Variants in TLE2 observed in about 807,000 individuals in gnomAD.
TLE2 encodes the protein TLE family member 2, transcriptional corepressor, also known as transducin-like enhancer protein 2.
TLE2 carries 74 observed loss-of-function variants against 97.2 expected under a neutral mutation model. The ratio of observed to expected loss-of-function variants is 0.76; its 90% confidence interval spans 0.63 to 0.92. The LOEUF (loss-of-function observed/expected upper bound fraction) is 0.92. Among genes scored for constraint, TLE2 ranks in the 40% least tolerant of loss-of-function variants. The probability of loss-of-function intolerance (pLI) is 0.00; values close to 1 mark genes in which losing one functional copy is unlikely to be tolerated. For synonymous variants in TLE2, 499 were observed against 432.1 expected (o/e 1.15, Z -1.92); for missense variants, 1,038 against 1,008.7 (o/e 1.03, Z -0.39).
rs775262833 is a variant in TLE2, at chr19:3,005,810, C to T, written c.1659G>A (p.Leu553=). Residue 553 remains leucine (L), a synonymous_variant, in exon 16 of 20, where the codon CTG becomes CTA. Transcript: ENST00000262953. ...AAACCTTGGCGTCGGGGCTGACGGC[C>T]AGGGCGTAGCAGGCTGGGGCTGAGG... ...LTSSAPACYA[L]AVSPDAKVCF... 44 of 1,613,890 alleles carry T rather than the reference C, an allele frequency of 2.7e-5. No individual in the cohort carries two copies. In the East Asian group the frequency reaches 7.1e-4, roughly 26 times the overall value.
chr19:3,025,427 C>T, intron 4 of TLE2: 1 of 1,090,660 alleles, frequency 9.2e-7, no homozygotes, highest in Non-Finnish European at 1.1e-6. Context: ...CTCAGAGGTG[C>T]TGGGCTCAGC....
chr19:3,025,892 C>A (rs1393798150), intron 4 of TLE2, among the ~76,000 whole-genome samples: 1 of 152,112 alleles, frequency 6.6e-6, no homozygotes, highest in African/African-American at 2.4e-5. Flanking sequence ...CACATCAGAA[C>A]CAACAGAACC....
In TLE2 at chr19:3,019,580, C is replaced by T. The variant is rs564303197; in HGVS notation, c.370-117G>A. The T allele has an allele frequency of 1.3e-6, 2 of 1,507,440 alleles. No individual in the cohort carries two copies. Among genetic ancestry groups the T allele is most frequent in the Non-Finnish European group, 1.8e-6 (2 of 1,123,386 alleles). 93.4% of individuals were successfully genotyped at this position (1,507,440 alleles called of 1,614,324 possible). ...AAGCACAGCATGTGCCCCTGGGGTTCCCAGGACCACTGGAGCCAAGGCCCA... is the reference window on the plus strand; with the variant it reads ...AAGCACAGCATGTGCCCCTGGGGTTTCCAGGACCACTGGAGCCAAGGCCCA... On this transcript the variant is annotated intron_variant, in intron 6 of 19. Transcript: ENST00000262953. The surrounding 1 kb of genome is among the most constrained non-coding windows in gnomAD (Gnocchi z 5.1).
intron 5 of TLE2, among the ~76,000 whole-genome samples, chr19:3,022,770 C>A (rs1213555610): frequency 6.6e-6 from 1 of 151,950 alleles, no homozygotes; most frequent in African/African-American, 2.4e-5. Context: ...GGGGGTGCAC[C>A]TGTGTGTGGG....
intron 5 of TLE2, among the ~76,000 whole-genome samples, chr19:3,021,265 C>T (rs945884137): frequency 3.3e-5 from 5 of 151,414 alleles, no homozygotes; most frequent in African/African-American, 1.2e-4. Flanking sequence ...ATTAGTCAGG[C>T]ATGGTGGCAT....
At chr19:2,999,258 G>C (rs1309207718) in intron 19 of TLE2, among the ~76,000 whole-genome samples, 2 of 151,944 alleles carry the variant, frequency 1.3e-5, no homozygotes, top group Non-Finnish European at 2.9e-5. Flanking sequence ...CTCCAGGCTG[G>C]GCGACAGAGA....
chr19:3,019,661 C>A lies in TLE2; in HGVS notation c.369+38G>T. The A allele has an allele frequency of 6.3e-7, 1 of 1,594,144 alleles. No individual in the cohort carries two copies. The highest frequency in any genetic ancestry group is 1.7e-4 in the Middle Eastern group (1 of 6,002). ...TGGGTGCCAGGGACCTGGGAGTGGG[C>A]GTCTCCCCATGGCGGGGCAGGGGCT... On this transcript the variant is annotated intron_variant, in intron 6 of 19. Coordinates refer to ENST00000262953, the MANE Select transcript of TLE2 (RefSeq NM_003260.5). The surrounding 1 kb of genome is among the most constrained non-coding windows in gnomAD (Gnocchi z 5.1).
intron 11 of TLE2, among the ~76,000 whole-genome samples, chr19:3,012,521 T>C (rs983714852): frequency 8.5e-5 from 13 of 152,332 alleles, no homozygotes; most frequent in African/African-American, 2.6e-4. Flanking sequence ...CCAGCCACTG[T>C]TGAGATTCTT....
chr19:3,021,968 T>C (rs12984256), intron 5 of TLE2, among the ~76,000 whole-genome samples: 54,525 of 151,980 alleles, frequency 0.36, 10,895 homozygotes, highest in African/African-American at 0.53. Context: ...TACTTTAGGA[T>C]GCTGGAGTGG....
rs750921334 is a variant in TLE2, at chr19:3,015,660, C to T, written c.671G>A (p.Gly224Glu). Residue 224 changes from glycine to glutamate, a missense_variant, in exon 9 of 20, where the codon GGA (glycine) becomes GAA (glutamate). By Grantham distance (98) the Gly-to-Glu change is moderately conservative (BLOSUM62 -2). Transcript: ENST00000262953. ...KQRADEKEPSGPYESDEDKSD... is the reference protein window; with the variant it reads ...KQRADEKEPSEPYESDEDKSD... ...GCACCTGCCCCCACTCACATAAGGT[C>T]CTGATGGCTCCTTCTCATCTGCTCT... 2 of 1,607,718 alleles carry T rather than the reference C, an allele frequency of 1.2e-6. No individual in the cohort carries two copies. The highest frequency in any genetic ancestry group is 3.4e-5 in the Admixed American group (2 of 59,268).
Position 3,014,433 on chromosome 19 carries a change from C to T in TLE2, c.723+137G>A, listed in dbSNP as rs141685515. On this transcript the variant is annotated intron_variant, in intron 10 of 19. Transcript: ENST00000262953. ...GCCAGAGGTGTCCCGGAGTCCCTGA[C>T]GCTTCCTGACCCCATCCCAGCTGTC... 4.0e-4 allele frequency: 295 copies of T among 746,518 alleles called. 1 individual carries two copies. The African/African-American group carries it at 4.6e-3, about 12-fold the overall frequency. 46.2% of individuals were successfully genotyped at this position (746,518 alleles called of 1,614,324 possible).
In TLE2 at chr19:3,005,459, T is replaced by G. The variant is rs1394695766; in HGVS notation, c.1874A>C (p.Gln625Pro). ...CWDLREGRQL[Q>P]QHDFSSQIFS... ...CACCTGGGAGCTGAAGTCATGCTGC[T>G]GCAGCTGGCGGCCCTCCCGCAGGTC... is the stretch of plus-strand genomic sequence containing the variant. Residue 625 changes from glutamine to proline, a missense_variant, in exon 17 of 20, where the codon CAG becomes CCG. By Grantham distance (76) the Gln-to-Pro change is moderately conservative. Transcript: ENST00000262953. 3 of 1,613,854 alleles carry G rather than the reference T, an allele frequency of 1.9e-6. No homozygotes were observed. In the South Asian group the frequency reaches 3.3e-5, roughly 18 times the overall value.
intron 5 of TLE2, among the ~76,000 whole-genome samples, chr19:3,024,646 C>T (rs2089908809): frequency 6.6e-6 from 1 of 152,132 alleles, no homozygotes; most frequent in Non-Finnish European, 1.5e-5. Context: ...TGTATGAGCT[C>T]ATCTCAACTT....
intron 1 of TLE2, among the ~76,000 whole-genome samples, chr19:3,043,933 A>G (rs1327107665): frequency 1.3e-5 from 2 of 151,942 alleles, no homozygotes; most frequent in African/African-American, 4.8e-5. Context: ...GCAGTGAGCC[A>G]AGATCGCACC....
chr19:3,027,772 C>T, intron 4 of TLE2, 57 bp downstream of exon 4: 1 of 1,575,388 alleles, frequency 6.3e-7, no homozygotes, highest in Non-Finnish European at 8.6e-7. Context: ...GGGTCCTTCT[C>T]AGGGCTTCCA....
rs776121050 is a variant in TLE2 at position 3,017,851 on chromosome 19, C to G, written c.559G>C (p.Ala187Pro). The stretch of plus-strand genomic sequence containing the variant: ...TGCCACTCACTTACCCTGCTCGGGG[C>G]TCTCTCCACTGACAGATTGGGAATG... ...VEAEGSRVERAPSRSASPSPP... is the reference protein window; with the variant it reads ...VEAEGSRVERPPSRSASPSPP... Residue 187 changes from alanine to proline, a missense_variant, in exon 8 of 20, where the codon GCC (alanine) becomes CCC (proline). Physicochemically the swap from Ala to Pro is conservative, Grantham distance 27 (BLOSUM62 -1). Transcript: ENST00000262953. The G allele has an allele frequency of 6.2e-7, 1 of 1,612,248 alleles. No homozygotes were observed. The highest frequency in any genetic ancestry group is 8.5e-7 in the Non-Finnish European group (1 of 1,179,186).
Position 3,015,742 on chromosome 19 carries a change from G to T in TLE2, c.589C>A (p.Pro197Thr). 6.2e-7 allele frequency: 1 copy of T among 1,609,912 alleles called. No homozygotes were observed. Among genetic ancestry groups the T allele is most frequent in the Non-Finnish European group, 8.5e-7 (1 of 1,178,720 alleles). ...CGCTCCTCCTCCACGAGACTCTCAG[G>T]GGGCGAGGGAGATGCACTCTGCGGA... ...APSRSASPSP[P>T]ESLVEEERPS... is the part of the protein sequence containing the mutation. Residue 197 changes from proline to threonine, a missense_variant, in exon 9 of 20, where the codon CCT becomes ACT. Coordinates refer to ENST00000262953, the MANE Select transcript of TLE2 (RefSeq NM_003260.5).
intron 10 of TLE2, 31 bp downstream of exon 10, chr19:3,014,539 G>T: frequency 2.6e-6 from 4 of 1,551,820 alleles, no homozygotes; most frequent in Non-Finnish European, 3.5e-6. Flanking sequence ...TGTGCCCAGA[G>T]TCGGGGAAGA....
At chr19:3,017,440 T>TTTC (rs1555692464) in intron 8 of TLE2, among the ~76,000 whole-genome samples, 1 of 138,774 alleles carries the variant, frequency 7.2e-6, no homozygotes, top group Non-Finnish European at 1.5e-5. Context: ...TGGTTTTTTT[T>TTTC]TTTCTTTCTT....
Sources: allele counts gnomAD v4.1 joint callset (sites outside exome capture counted in the v4.1 genomes callset), GRCh38; gene constraint gnomAD v4.1.1; non-coding constraint Gnocchi (gnomAD v3.1); transcripts MANE v1.5; gene names NCBI Gene and HGNC (gene_info 2026-07-23, HGNC 2026-07-21).